Variants in CBX1 observed in about 807,000 individuals in gnomAD.
CBX1 encodes the protein chromobox 1.
In CBX1, 10 loss-of-function variants were observed where a neutral mutation model predicts 25.1. The observed-to-expected ratio is 0.40, with a 90% CI of 0.25 to 0.68. The LOEUF is 0.68. Among genes scored for constraint, CBX1 ranks in the 30% least tolerant of loss-of-function variants. The pLI, the probability that CBX1 is intolerant of heterozygous loss-of-function variation, is 0.40. For missense variants in CBX1, 106 were observed against 218.5 expected (o/e 0.49, Z 3.25); for synonymous variants, 63 against 79.4 (o/e 0.79, Z 1.10).
chr17:48,099,507 C>A (rs776443238), intron 1 of CBX1, among the ~76,000 whole-genome samples: 1 of 152,154 alleles, frequency 6.6e-6, no homozygotes, highest in African/African-American at 2.4e-5. Context: ...CCTCCACTCC[C>A]GTGAAGCTTC....
chr17:48,078,618 T>C (rs1281427390), intron 1 of CBX1, among the ~76,000 whole-genome samples: 1 of 150,328 alleles, frequency 6.7e-6, no homozygotes, highest in African/African-American at 2.5e-5. Flanking sequence ...ACCTCCCGAG[T>C]AGTTGGTTTT....
chr17:48,090,229 G>C (rs1455319244), intron 1 of CBX1, among the ~76,000 whole-genome samples: 2 of 152,078 alleles, frequency 1.3e-5, no homozygotes, highest in Admixed American at 1.3e-4. Context: ...TAAGATTTCT[G>C]ATGACCTATG....
At chr17:48,092,595 AG>A (rs1397826520) in intron 1 of CBX1, among the ~76,000 whole-genome samples, 2 of 151,434 alleles carry the variant, frequency 1.3e-5, no homozygotes, top group Non-Finnish European at 2.9e-5. Context: ...CTGGGATTAC[AG>A]GTGCCCGCCG....
intron 1 of CBX1, among the ~76,000 whole-genome samples, chr17:48,077,256 CTTTTT>C (rs57789313): frequency 1.4e-5 from 2 of 141,622 alleles, no homozygotes; most frequent in Non-Finnish European, 3.1e-5. Context: ...TTACAGCAAA[CTTTTT>C]TTTTTTTTTT....
intron 1 of CBX1, among the ~76,000 whole-genome samples, chr17:48,093,085 A>AAG (rs1567769735): frequency 1.1e-5 from 1 of 93,866 alleles, no homozygotes; most frequent in African/African-American, 3.6e-5. Context: ...AAAAAAAAAA[A>AAG]AAAAGAAAAG....
chr17:48,101,299 T>C lies in CBX1; in HGVS notation c.-69A>G. The C allele has an allele frequency of 1.0e-6, 1 of 986,380 alleles. No individual in the cohort carries two copies. The highest frequency in any genetic ancestry group is 1.2e-6 in the Non-Finnish European group (1 of 830,038). 61.1% of individuals were successfully genotyped at this position (986,380 alleles called of 1,614,324 possible). A position where few individuals can be genotyped will look rare whatever the true frequency, so the allele number is the denominator to read the frequency against. On this transcript the variant is annotated 5_prime_UTR_variant, in exon 1 of 5. Coordinates refer to ENST00000225603, the MANE Select transcript of CBX1 (RefSeq NM_001127228.2). ...GCAGCGCCCAAGAGCCCGAGAGGAA[T>C]CGGTGCTGCGCTGCTGGCGCGTCGC...
At chr17:48,101,134 G>A in intron 1 of CBX1, 134 bp downstream of exon 1, 1 of 986,490 alleles carries the variant, frequency 1.0e-6, no homozygotes, top group Non-Finnish European at 1.2e-6. Flanking sequence ...AAGCGGAGAA[G>A]CAGGACGCTG....
intron 1 of CBX1, among the ~76,000 whole-genome samples, chr17:48,078,824 C>T (rs1425914830): frequency 8.5e-6 from 1 of 117,222 alleles, no homozygotes; most frequent in Non-Finnish European, 1.7e-5. Flanking sequence ...CGGAGTCTCA[C>T]TCCAGCCCAG....
chr17:48,096,370 A>T, intron 1 of CBX1: 1 of 985,308 alleles, frequency 1.0e-6, no homozygotes, highest in Non-Finnish European at 1.2e-6. Flanking sequence ...TACAAATGTT[A>T]GTATGGACAC....
intron 1 of CBX1, among the ~76,000 whole-genome samples, chr17:48,079,951 ACAT>A (rs1450805101): frequency 6.6e-6 from 1 of 152,218 alleles, no homozygotes; most frequent in Non-Finnish European, 1.5e-5. Flanking sequence ...TTTATAAAAT[ACAT>A]CATCAAGCTA....
rs1222131699 is a variant in CBX1 at position 48,071,275 on chromosome 17, G to A, written c.*160C>T. 6 of 629,860 alleles carry A rather than the reference G, an allele frequency of 9.5e-6. No homozygotes were observed. Among genetic ancestry groups the A allele is most frequent in the Admixed American group, 7.1e-5 (2 of 28,188 alleles). The allele number at this position is 629,860 out of a possible 1,614,324, so 39.0% of individuals were successfully genotyped here. A position where few individuals can be genotyped will look rare whatever the true frequency, so the allele number is the denominator to read the frequency against. ...GTGTGCAAACTATACAGCTTGAAAC[G>A]GCTTTAAAGCACTTGGGCTGCTGCA... On this transcript the variant is annotated 3_prime_UTR_variant, in exon 5 of 5. Coordinates refer to ENST00000225603, the MANE Select transcript of CBX1 (RefSeq NM_001127228.2).
intron 1 of CBX1, among the ~76,000 whole-genome samples, chr17:48,097,896 T>C (rs999207945): frequency 1.3e-5 from 2 of 152,182 alleles, no homozygotes; most frequent in Admixed American, 6.6e-5. Flanking sequence ...CTCAGGTCAA[T>C]ACAAAGGACA....
chr17:48,091,554 T>C (rs2063344036), intron 1 of CBX1, among the ~76,000 whole-genome samples: 1 of 147,480 alleles, frequency 6.8e-6, no homozygotes. Context: ...TTTTTTTTTT[T>C]TTTTTTGAGA....
chr17:48,089,142 C>A (rs550985189), intron 1 of CBX1, among the ~76,000 whole-genome samples: 19 of 149,634 alleles, frequency 1.3e-4, no homozygotes, highest in African/African-American at 4.7e-4. Context: ...ACTCAGTCGC[C>A]CAGGCTGGAG....
At chr17:48,101,145 G>A (rs2063407901) in intron 1 of CBX1, 123 bp downstream of exon 1, 1 of 986,574 alleles carries the variant, frequency 1.0e-6, no homozygotes, top group Non-Finnish European at 1.2e-6. Context: ...CAGGACGCTG[G>A]ACCCGGGCGC....
chr17:48,070,122 A>G lies in CBX1; in HGVS notation c.*1313T>C, dbSNP rs1318209050. 1 of 152,706 alleles carries G rather than the reference A, an allele frequency of 6.5e-6. No individual in the cohort carries two copies. The highest frequency in any genetic ancestry group is 1.5e-5 in the Non-Finnish European group (1 of 68,048). 9.5% of individuals were successfully genotyped at this position (152,706 alleles called of 1,614,324 possible). ...TGTAGTATGAAGTTTACATTTAAAC[A>G]AAGTTTACACAGAAATCTAACACAT... On this transcript the variant is annotated 3_prime_UTR_variant, in exon 5 of 5. Coordinates refer to ENST00000225603, the MANE Select transcript of CBX1 (RefSeq NM_001127228.2).
At chr17:48,081,758 A>C (rs985384098) in intron 1 of CBX1, among the ~76,000 whole-genome samples, 2 of 152,142 alleles carry the variant, frequency 1.3e-5, no homozygotes, top group African/African-American at 4.8e-5. Flanking sequence ...TTACTTTTTA[A>C]GTACTGTCTT....
At chr17:48,072,713 G>A (rs971263924) in intron 4 of CBX1, among the ~76,000 whole-genome samples, 1 of 151,890 alleles carries the variant, frequency 6.6e-6, no homozygotes, top group Non-Finnish European at 1.5e-5. Context: ...AAACTGGGAG[G>A]CAGAGCTTGC....
At chr17:48,086,928 G>A (rs1050027677) in intron 1 of CBX1, among the ~76,000 whole-genome samples, 4 of 151,884 alleles carry the variant, frequency 2.6e-5, no homozygotes, top group Admixed American at 6.6e-5. Flanking sequence ...GGTGGCTCAC[G>A]CCTGTAATTC....
Sources: gnomAD v4.1 joint callset for allele counts (sites outside exome capture counted in the v4.1 genomes callset) on GRCh38, gnomAD v4.1.1 for gene constraint, MANE v1.5 for transcripts, NCBI Gene and HGNC (gene_info 2026-07-23, HGNC 2026-07-21) for gene names.